The following ARNT variants were observed in gnomAD, a reference collection of about 807,000 sequenced individuals.
The protein encoded by ARNT is class E basic helix-loop-helix protein 2.
A neutral mutation model predicts 105.0 loss-of-function variants in ARNT; 30 were observed. That is an observed-to-expected ratio of 0.29 (90% CI 0.21 to 0.39). The LOEUF (loss-of-function observed/expected upper bound fraction) is 0.39. ARNT is among the 10% of genes least tolerant of loss of function. The probability of loss-of-function intolerance (pLI) is 1.00; values close to 1 mark genes in which losing one functional copy is unlikely to be tolerated. For synonymous variants in ARNT, 304 were observed against 344.0 expected, an observed-to-expected ratio of 0.88 and a Z score of 1.29; for missense variants, 748 against 978.7, an observed-to-expected ratio of 0.76 and a Z score of 3.15.
At chr1:150,844,950 T>C (rs1463701215) in intron 4 of ARNT, among the ~76,000 whole-genome samples, 1 of 152,004 alleles carries the variant, frequency 6.6e-6, no homozygotes, top group East Asian at 1.9e-4. Flanking sequence ...GCTGGGATTA[T>C]GAGTGCCCAC....
In ARNT at chr1:150,811,473, C is replaced by CACAG. The variant is rs377116195; in HGVS notation, c.*547_*548insCTGT. Reference sequence around the variant, plus strand: ...GCATGTGTGCGCACACACACACACACACACATACACACACACTCTCTCTCA... The same window carrying CACAG: ...GCATGTGTGCGCACACACACACACACACAGACACATACACACACACTCTCTCTCA... On this transcript the variant is annotated 3_prime_UTR_variant, in exon 22 of 22. Coordinates refer to ENST00000358595, the MANE Select transcript of ARNT (RefSeq NM_001668.4). 2 of 233,038 alleles carry CACAG rather than the reference C, an allele frequency of 8.6e-6. No homozygotes were observed. The highest frequency in any genetic ancestry group is 4.4e-5 in the African/African-American group (2 of 45,016). 14.4% of individuals were successfully genotyped at this position (233,038 alleles called of 1,614,324 possible).
At chr1:150,817,887 T>G (rs1557855420) in intron 15 of ARNT, 33 bp downstream of exon 15, 1 of 1,540,784 alleles carries the variant, frequency 6.5e-7, no homozygotes, top group Non-Finnish European at 8.9e-7. Context: ...CCTGGGTGAC[T>G]GCTCAACAGA....
chr1:150,810,058 G>A lies in ARNT; in HGVS notation c.*1963C>T, dbSNP rs769688608. The stretch of plus-strand genomic sequence containing the variant: ...TGTTGTTTATGAACTGGAAAGGAAT[G>A]ATAAAGCCGCAATCAAGATCACACA... On this transcript the variant is annotated 3_prime_UTR_variant, in exon 22 of 22. Transcript: ENST00000358595. 20 of 229,530 alleles carry A rather than the reference G, an allele frequency of 8.7e-5. No individual in the cohort carries two copies. The highest frequency in any genetic ancestry group is 1.3e-4 in the Non-Finnish European group (15 of 115,486). 14.2% of individuals were successfully genotyped at this position (229,530 alleles called of 1,614,324 possible).
chr1:150,822,175 G>T (rs772828102), intron 14 of ARNT, among the ~76,000 whole-genome samples: 40 of 151,990 alleles, frequency 2.6e-4, no homozygotes, highest in Middle Eastern at 3.4e-3. Context: ...AATATCAAAA[G>T]AATTTTCTAA....
chr1:150,833,481 G>T (rs1659704609), intron 8 of ARNT, among the ~76,000 whole-genome samples: 1 of 152,060 alleles, frequency 6.6e-6, no homozygotes, highest in Non-Finnish European at 1.5e-5. Context: ...AACAGAGCAA[G>T]ACTCTGTCTC....
chr1:150,814,775 A>T (rs1349853510), intron 19 of ARNT, among the ~76,000 whole-genome samples: 1 of 152,126 alleles, frequency 6.6e-6, no homozygotes, highest in Non-Finnish European at 1.5e-5. Flanking sequence ...CCCGGGAGAC[A>T]GAGGTTGCAG....
chr1:150,821,342 T>C (rs1253299657), intron 14 of ARNT, among the ~76,000 whole-genome samples: 1 of 152,204 alleles, frequency 6.6e-6, no homozygotes, highest in African/African-American at 2.4e-5. Flanking sequence ...TTATTCAAGG[T>C]TTCAGTATTG....
At chr1:150,875,335 C>T (rs1427081131) in intron 1 of ARNT, among the ~76,000 whole-genome samples, 1 of 151,870 alleles carries the variant, frequency 6.6e-6, no homozygotes, top group Non-Finnish European at 1.5e-5. Context: ...CCCAGAAACA[C>T]GGTAGAAAAG....
chr1:150,827,116 C>G (rs1287570520), intron 12 of ARNT, among the ~76,000 whole-genome samples: 2 of 151,904 alleles, frequency 1.3e-5, no homozygotes, highest in Admixed American at 1.3e-4. Context: ...TGTTAAGGAG[C>G]TGGCTTCTAA....
At chr1:150,854,841 G>A (rs1406741675) in intron 2 of ARNT, among the ~76,000 whole-genome samples, 1 of 114,222 alleles carries the variant, frequency 8.8e-6, no homozygotes, top group African/African-American at 3.4e-5. Context: ...TAGGCAACAA[G>A]AGCGAAACTA....
intron 4 of ARNT, 32 bp downstream of exon 4, chr1:150,846,231 A>G (rs753670643): frequency 3.3e-5 from 52 of 1,566,986 alleles, no homozygotes; most frequent in Middle Eastern, 1.7e-4. Flanking sequence ...ATCATATTAT[A>G]TATTACAATA....
At chr1:150,869,839 C>T (rs1667177513) in intron 1 of ARNT, among the ~76,000 whole-genome samples, 1 of 152,108 alleles carries the variant, frequency 6.6e-6, no homozygotes, top group Non-Finnish European at 1.5e-5. Flanking sequence ...AGGTATGAGC[C>T]ACCACACTCA....
At chr1:150,814,895 A>G (rs1655505449) in intron 19 of ARNT, among the ~76,000 whole-genome samples, 1 of 152,170 alleles carries the variant, frequency 6.6e-6, no homozygotes, top group East Asian at 1.9e-4. Flanking sequence ...ACTCTGCACC[A>G]TTATTCTGTC....
chr1:150,810,038 T>C lies in ARNT; in HGVS notation c.*1983A>G, dbSNP rs1654445133. The C allele has an allele frequency of 8.7e-6, 2 of 228,756 alleles. No homozygotes were observed. Among genetic ancestry groups the C allele is most frequent in the African/African-American group, 4.4e-5 (2 of 45,028 alleles). The allele number at this position is 228,756 out of a possible 1,614,324, so 14.2% of individuals were successfully genotyped here. A position where few individuals can be genotyped will look rare whatever the true frequency, so the allele number is the denominator to read the frequency against. ...TTCCTCTGGTTGTGGGTGCCTGTTG[T>C]TTATGAACTGGAAAGGAATGATAAA... On this transcript the variant is annotated 3_prime_UTR_variant, in exon 22 of 22. Coordinates refer to ENST00000358595, the MANE Select transcript of ARNT (RefSeq NM_001668.4).
intron 8 of ARNT, 94 bp from the exon 9 acceptor site, chr1:150,832,493 C>T (rs1659526854): frequency 8.5e-7 from 1 of 1,172,338 alleles, no homozygotes; most frequent in African/African-American, 1.5e-5. Flanking sequence ...TGGATACAAC[C>T]AGACATAGAA....
At chr1:150,823,170 T>C (rs747317209) in intron 14 of ARNT, 24 bp downstream of exon 14, 1 of 1,512,512 alleles carries the variant, frequency 6.6e-7, no homozygotes, top group Non-Finnish European at 8.9e-7. Flanking sequence ...AAACAGTTTT[T>C]TCACACTCCT....
intron 13 of ARNT, among the ~76,000 whole-genome samples, chr1:150,823,893 A>T (rs1370596432): frequency 6.7e-6 from 1 of 149,956 alleles, no homozygotes; most frequent in South Asian, 2.1e-4. Flanking sequence ...ACCAGGCTAG[A>T]GTGCAGTGGC....
chr1:150,829,185 G>A lies in ARNT; in HGVS notation c.1075C>T (p.Gln359Ter). Residue 359 changes from glutamine to a stop codon, truncating the protein, a stop_gained, in exon 12 of 22, where the codon CAA becomes TAA. Transcript: ENST00000358595. LOFTEE classifies it high-confidence loss of function. The stretch of plus-strand genomic sequence containing the variant: ...TGTCGGGAGATGAACTCTGTTGGTT[G>A]ACAAACATTACTCATGTCTGTACAG... ...PNCTDMSNVC[Q>*]PTEFISRHNI... The A allele has an allele frequency of 6.2e-7, 1 of 1,614,140 alleles. No homozygotes were observed. Among genetic ancestry groups the A allele is most frequent in the Non-Finnish European group, 8.5e-7 (1 of 1,179,978 alleles).
At chr1:150,829,797 T>G (rs1240944837) in intron 11 of ARNT, 107 bp downstream of exon 11, 1 of 999,822 alleles carries the variant, frequency 1.0e-6, no homozygotes, top group Non-Finnish European at 1.5e-6. Flanking sequence ...GAGAGTTTTA[T>G]GGAATTCTTC....
Sources: gnomAD v4.1 joint callset for allele counts (sites outside exome capture counted in the v4.1 genomes callset) on GRCh38, gnomAD v4.1.1 for gene constraint, MANE v1.5 for transcripts, NCBI Gene and HGNC (gene_info 2026-07-23, HGNC 2026-07-21) for gene names.